The following KALRN variants were observed in gnomAD, a reference collection of about 807,000 sequenced individuals.
KALRN encodes kalirin RhoGEF kinase.
A neutral mutation model predicts 353.7 loss-of-function variants in KALRN; 70 were observed. The observed-to-expected ratio is 0.20, with a 90% CI of 0.16 to 0.24. KALRN has a LOEUF of 0.24. Ranked by LOEUF, KALRN falls within the 10% of genes least tolerant of loss-of-function variation. The pLI, the probability that KALRN is intolerant of heterozygous loss-of-function variation, is 1.00. For missense variants in KALRN, 2,791 were observed against 3,756.7 expected (o/e 0.74, Z 6.72); for synonymous variants, 1,391 against 1,434.8 (o/e 0.97, Z 0.69).
chr3:124,460,292 C>A (rs571401294), intron 23 of KALRN, among the ~76,000 whole-genome samples: 335 of 152,252 alleles, frequency 2.2e-3, no homozygotes, highest in Non-Finnish European at 4.0e-3. Flanking sequence ...GATGAGGGGA[C>A]TATACCTGGC....
chr3:124,644,329 T>A (rs113869442), intron 37 of KALRN, among the ~76,000 whole-genome samples: 7 of 149,748 alleles, frequency 4.7e-5, no homozygotes, highest in East Asian at 1.9e-4. Context: ...GATCTTTTTT[T>A]AAAATTTTTT....
At chr3:124,602,946 T>TGTTGTTGTTA (rs1306270170) in intron 34 of KALRN, among the ~76,000 whole-genome samples, 16,743 of 151,478 alleles carry the variant, frequency 0.11, 997 homozygotes, top group Non-Finnish European at 0.12. Flanking sequence ...CGTGGTTTTT[T>TGTTGTTGTTA]TTTTGTTGTT....
At chr3:124,466,035 TGTGTGTGTG>T (rs2060307266) in intron 25 of KALRN, among the ~76,000 whole-genome samples, 1 of 540 alleles carries the variant, frequency 1.9e-3, no homozygotes, top group African/African-American at 4.5e-3. Context: ...TCTCTTGCTC[TGTGTGTGTG>T]TGTGTGTGTG....
intron 51 of KALRN, among the ~76,000 whole-genome samples, chr3:124,686,972 T>G (rs562401166): frequency 2.7e-4 from 41 of 151,798 alleles, no homozygotes; most frequent in Non-Finnish European, 5.2e-4. Context: ...CGTGCCACCA[T>G]GGCCAGCTAA....
At chr3:124,132,968 TTAG>T (rs1057144314) in intron 1 of KALRN, 3 of 154,082 alleles carry the variant, frequency 1.9e-5, no homozygotes, top group Non-Finnish European at 4.4e-5. Flanking sequence ...TCTGAGGCAC[TTAG>T]TAGGTGATAG....
intron 34 of KALRN, among the ~76,000 whole-genome samples, chr3:124,613,811 G>T (rs1176475724): frequency 6.6e-6 from 1 of 152,170 alleles, no homozygotes; most frequent in Admixed American, 6.5e-5. Flanking sequence ...CTGTCTACTA[G>T]GGTCCTAGAA....
intron 1 of KALRN, among the ~76,000 whole-genome samples, chr3:124,118,189 A>G (rs934580952): frequency 1.3e-5 from 2 of 151,974 alleles, no homozygotes; most frequent in African/African-American, 2.4e-5. Context: ...TGAAGGAGAC[A>G]CTTCCATCTG....
Position 124,477,321 on chromosome 3 carries a change from G to T in KALRN, c.4178G>T (p.Gly1393Val). 1 of 1,612,848 alleles carries T rather than the reference G, an allele frequency of 6.2e-7. No homozygotes were observed. The highest frequency in any genetic ancestry group is 8.5e-7 in the Non-Finnish European group (1 of 1,178,992). ...DSNQLILEHAGTFFDEIQQRH... is the reference protein window; with the variant it reads ...DSNQLILEHAVTFFDEIQQRH... ...AACCAGCTTATCCTGGAGCATGCGG[G>T]CACCTTCTTTGATGTAAGCTGTGTT... is the stretch of plus-strand genomic sequence containing the variant. The change falls in exon 27 of 60, where the codon GGC becomes GTC. Residue 1393 changes from glycine to valine, a missense_variant. Around this residue, in one of 11 missense-constraint regions of KALRN, gnomAD observed 54 missense variants for 131.7 expected, o/e 0.41. Coordinates refer to ENST00000682506, the MANE Select transcript of KALRN (RefSeq NM_001388419.1).
At position 124,123,199 on chromosome 3, in the gene KALRN, C is replaced by CAAAAAA. The variant is rs4048341; in HGVS notation, c.73+89392_73+89397dup. Among the ~76,000 whole-genome samples the CAAAAAA allele has an allele frequency of 5.6e-4, 80 of 143,648 alleles. 1 individual carries two copies. The highest frequency in any genetic ancestry group is 1.8e-3 in the African/African-American group (71 of 38,740). The allele number at this position is 143,648 out of a possible 152,430, so 94.2% of individuals were successfully genotyped here. A position where few individuals can be genotyped will look rare whatever the true frequency, so the allele number is the denominator to read the frequency against. On this transcript the variant is annotated intron_variant, in intron 1 of 59. Coordinates refer to ENST00000682506, the MANE Select transcript of KALRN (RefSeq NM_001388419.1). ...TGGACAACAAAGCAAGACTCCATCT[C>CAAAAAA]AAAAAAAAAAAGGCAAGATAGGCAG...
chr3:124,224,928 C>A (rs1406644830), intron 1 of KALRN, among the ~76,000 whole-genome samples: 1 of 152,116 alleles, frequency 6.6e-6, no homozygotes, highest in Non-Finnish European at 1.5e-5. Context: ...AGTCACTGAC[C>A]TTGTATAAGT....
Position 124,671,833 on chromosome 3 carries a change from T to C in KALRN, c.6877T>C (p.Ser2293Pro), listed in dbSNP as rs773576120. 1 of 1,614,162 alleles carries C rather than the reference T, an allele frequency of 6.2e-7. No homozygotes were observed. Among genetic ancestry groups the C allele is most frequent in the South Asian group, 1.1e-5 (1 of 91,086 alleles). ...CCCACCTCTGCCTCCCCTGAAGATATCTACCTCCAATGGCAGTCCAGGGTT... is the reference window on the plus strand; with the variant it reads ...CCCACCTCTGCCTCCCCTGAAGATACCTACCTCCAATGGCAGTCCAGGGTT... ...YNPPLPPLKI[S>P]TSNGSPGFEY... The change falls in exon 48 of 60, where the codon TCT (serine) becomes CCT (proline). Residue 2293 changes from serine to proline, a missense_variant. Ser to Pro is a moderately conservative substitution (Grantham distance 74, BLOSUM62 -1). This residue lies in a region of KALRN where 1,065 missense variants were observed against 1,156.4 expected (regional missense o/e 0.92). Transcript: ENST00000682506.
In KALRN at chr3:124,512,877, CAT is replaced by C. The variant is rs376093444; in HGVS notation, c.4935+16466_4935+16467del. On this transcript the variant is annotated intron_variant, in intron 33 of 59. Transcript: ENST00000682506. Reference sequence around the variant, plus strand: ...TTTTGTATTATGTCTTACAACATGACATAATAAATTTAACAAAAACCTAATAG... The same window carrying C: ...TTTTGTATTATGTCTTACAACATGACAATAAATTTAACAAAAACCTAATAG... Among the ~76,000 whole-genome samples the C allele has an allele frequency of 2.0e-3, 297 of 151,896 alleles. 1 individual carries two copies. Among genetic ancestry groups the C allele is most frequent in the African/African-American group, 7.1e-3 (292 of 41,414 alleles).
intron 33 of KALRN, among the ~76,000 whole-genome samples, chr3:124,527,142 A>G (rs189421355): frequency 3.9e-4 from 59 of 152,312 alleles, no homozygotes; most frequent in Non-Finnish European, 7.8e-4. Flanking sequence ...GGGAGAAACT[A>G]AGATCCAATG....
At chr3:124,260,795 C>G (rs183331488) in intron 3 of KALRN, among the ~76,000 whole-genome samples, 2 of 152,250 alleles carry the variant, frequency 1.3e-5, no homozygotes, top group African/African-American at 4.8e-5. Context: ...AAGGCCTGAA[C>G]CAGAGTTAAT....
intron 37 of KALRN, among the ~76,000 whole-genome samples, chr3:124,642,364 G>A (rs1036477569): frequency 1.3e-5 from 2 of 152,152 alleles, no homozygotes; most frequent in Non-Finnish European, 2.9e-5. Context: ...TCGTCATTGG[G>A]TGGCACACTA....
At chr3:124,153,080 C>CT (rs1372842582) in intron 1 of KALRN, 4 of 160,398 alleles carry the variant, frequency 2.5e-5, no homozygotes, top group African/African-American at 9.7e-5. Flanking sequence ...TTTTTTAATT[C>CT]TTTTTTAATT....
intron 1 of KALRN, among the ~76,000 whole-genome samples, chr3:124,080,548 A>C (rs528877690): frequency 6.6e-6 from 1 of 152,202 alleles, no homozygotes; most frequent in African/African-American, 2.4e-5. Flanking sequence ...TGCATGCAGC[A>C]TGTCCTGGAA....
intron 33 of KALRN, among the ~76,000 whole-genome samples, chr3:124,550,515 C>T (rs889188918): frequency 1.3e-5 from 2 of 152,108 alleles, no homozygotes; most frequent in African/African-American, 4.8e-5. Context: ...CCTCTGAGGG[C>T]TGGTGGTTGC....
At chr3:124,122,180 T>C (rs1203032652) in intron 1 of KALRN, among the ~76,000 whole-genome samples, 1 of 152,172 alleles carries the variant, frequency 6.6e-6, no homozygotes, top group African/African-American at 2.4e-5. Flanking sequence ...TGGAAGATAG[T>C]TGCTTTCTGG....
Sources: allele counts gnomAD v4.1 joint callset (sites outside exome capture counted in the v4.1 genomes callset), GRCh38; gene constraint gnomAD v4.1.1; regional missense constraint gnomAD v4.1.1; transcripts MANE v1.5; gene names NCBI Gene and HGNC (gene_info 2026-07-23, HGNC 2026-07-21).